Variants in RBFOX1 observed in about 807,000 individuals in gnomAD.
The protein encoded by RBFOX1 is RNA binding fox-1 homolog 1, also known as RNA binding protein fox-1 homolog 1.
A neutral mutation model predicts 57.7 loss-of-function variants in RBFOX1; 8 were observed. That is an observed-to-expected ratio of 0.14 (90% confidence interval 0.08 to 0.25). RBFOX1 has a LOEUF of 0.25. Among genes scored for constraint, RBFOX1 ranks in the 10% least tolerant of loss-of-function variants. The pLI is 1.00. For synonymous variants in RBFOX1, 326 were observed against 222.4 expected (o/e 1.47, Z -4.15); for missense variants, 611 against 548.5 (o/e 1.11, Z -1.14).
chr16:5,529,894 T>C (rs2044396362), intron 2 of RBFOX1, among the ~76,000 whole-genome samples: 1 of 152,070 alleles, frequency 6.6e-6, no homozygotes, highest in Non-Finnish European at 1.5e-5. Context: ...TGGGGATATT[T>C]AGACACAGGG....
At chr16:7,184,884 ACAC>A (rs1372868993) in intron 4 of RBFOX1, among the ~76,000 whole-genome samples, 1 of 152,194 alleles carries the variant, frequency 6.6e-6, no homozygotes, top group Non-Finnish European at 1.5e-5. Flanking sequence ...AATAATGTTT[ACAC>A]ATGGGTAATA....
chr16:6,493,368 A>C (rs544855300), intron 2 of RBFOX1, among the ~76,000 whole-genome samples: 38 of 152,226 alleles, frequency 2.5e-4, no homozygotes, highest in South Asian at 1.9e-3. Flanking sequence ...AGAAAATCAA[A>C]TTTCCCTGTT....
chr16:5,251,770 G>GC (rs1044144193), intron 1 of RBFOX1, among the ~76,000 whole-genome samples: 18 of 268 alleles, frequency 0.067, no homozygotes, highest in Admixed American at 0.2. Flanking sequence ...TTGTGTAGCT[G>GC]CAACATGTGT....
chr16:5,832,050 C>T (rs2056293069), intron 3 of RBFOX1, among the ~76,000 whole-genome samples: 1 of 152,150 alleles, frequency 6.6e-6, no homozygotes, highest in South Asian at 2.1e-4. Flanking sequence ...CAGTCAGCAT[C>T]AGACCATGAT....
rs1360798479 is a variant in RBFOX1 at position 6,898,125 on chromosome 16, C to T, written c.-15-153932C>T. Among the ~76,000 whole-genome samples, 3 of 152,184 alleles carry T rather than the reference C, an allele frequency of 2.0e-5. No individual in the cohort carries two copies. The East Asian group carries it at 5.8e-4, about 29-fold the overall frequency. On this transcript the variant is annotated intron_variant, in intron 3 of 15. Transcript: ENST00000550418. ...AGTAAATTCCACACCATATTCAGGA[C>T]CAATCTCTATTTTGCCAAATCATGC...
chr16:7,350,526 T>G, intron 4 of RBFOX1, among the ~76,000 whole-genome samples: 1 of 152,212 alleles, frequency 6.6e-6, no homozygotes, highest in East Asian at 1.9e-4. Context: ...CACTATGATC[T>G]GATTGTATCA....
At chr16:6,207,617 T>C (rs2097263587) in intron 1 of RBFOX1, among the ~76,000 whole-genome samples, 1 of 152,210 alleles carries the variant, frequency 6.6e-6, no homozygotes, top group Non-Finnish European at 1.5e-5. Context: ...TTTAATTATT[T>C]GCCTATTGAA....
chr16:6,601,272 T>A (rs960595218), intron 2 of RBFOX1, among the ~76,000 whole-genome samples: 19 of 152,144 alleles, frequency 1.2e-4, no homozygotes, highest in African/African-American at 3.4e-4. Context: ...AGGGCTATAA[T>A]TAGAAAGATA....
chr16:7,015,266 C>T (rs921896405), intron 3 of RBFOX1, among the ~76,000 whole-genome samples: 11 of 152,056 alleles, frequency 7.2e-5, no homozygotes, highest in African/African-American at 2.7e-4. Flanking sequence ...GAGCATATGG[C>T]CTGGGACTGC....
Position 6,959,326 on chromosome 16 carries a change from G to A in RBFOX1, c.-15-92731G>A, listed in dbSNP as rs571323996. Among the ~76,000 whole-genome samples the A allele has an allele frequency of 5.9e-5, 9 of 152,238 alleles. No individual in the cohort carries two copies. The East Asian group carries it at 1.7e-3, about 29-fold the overall frequency. On this transcript the variant is annotated intron_variant, in intron 3 of 15. Coordinates refer to ENST00000550418, the MANE Select transcript of RBFOX1 (RefSeq NM_018723.4). Reference sequence around the variant, plus strand: ...AACTTTTTCTGTTTTTAATCTCTCAGAAACTATTGTTTTCAATACATCTGA... The same window carrying A: ...AACTTTTTCTGTTTTTAATCTCTCAAAAACTATTGTTTTCAATACATCTGA...
intron 3 of RBFOX1, among the ~76,000 whole-genome samples, chr16:6,721,491 C>A (rs980549453): frequency 3.9e-5 from 6 of 152,150 alleles, no homozygotes; most frequent in African/African-American, 1.2e-4. Context: ...GTGTACAGTT[C>A]TGTAATGTTA....
chr16:6,613,419 G>A (rs997588609), intron 2 of RBFOX1, among the ~76,000 whole-genome samples: 12 of 152,010 alleles, frequency 7.9e-5, no homozygotes, highest in East Asian at 1.9e-4. Flanking sequence ...TTCTGTATAC[G>A]GTGTGGTGTT....
chr16:6,703,649 G>A (rs1188735663), intron 3 of RBFOX1, among the ~76,000 whole-genome samples: 1 of 152,130 alleles, frequency 6.6e-6, no homozygotes, highest in Non-Finnish European at 1.5e-5. Context: ...TGAGGCTGCA[G>A]TGAGCCATAG....
intron 3 of RBFOX1, among the ~76,000 whole-genome samples, chr16:6,760,598 G>A (rs1249226649): frequency 6.6e-6 from 1 of 152,150 alleles, no homozygotes; most frequent in African/African-American, 2.4e-5. Context: ...TTTTGCGTTG[G>A]TAGACTGACT....
intron 1 of RBFOX1, among the ~76,000 whole-genome samples, chr16:6,246,863 GT>G (rs1372663326): frequency 7.9e-5 from 12 of 152,172 alleles, no homozygotes; most frequent in Admixed American, 2.0e-4. Context: ...GAGGTCAGGA[GT>G]TTGAGACCAG....
intron 2 of RBFOX1, among the ~76,000 whole-genome samples, chr16:6,415,435 C>G (rs1053846588): frequency 6.6e-6 from 1 of 151,790 alleles, no homozygotes; most frequent in Non-Finnish European, 1.5e-5. Context: ...GTGGCTCACA[C>G]CTGTAATCAC....
At chr16:5,243,393 C>G (rs1048347750) in intron 1 of RBFOX1, among the ~76,000 whole-genome samples, 1 of 152,204 alleles carries the variant, frequency 6.6e-6, no homozygotes, top group African/African-American at 2.4e-5. Flanking sequence ...CCTGGGGCTC[C>G]TGTAGAGGAG....
chr16:7,217,223 G>A lies in RBFOX1; in HGVS notation c.27+165125G>A, dbSNP rs190530517. 1.6e-3 allele frequency among the ~76,000 whole-genome samples: 238 copies of A among 150,622 alleles called. 9 individuals carry two copies. The highest frequency in any genetic ancestry group is 0.014 in the Admixed American group (210 of 15,042). Reference sequence around the variant, plus strand: ...GGATTGAAGAGATTCTCCTCCCACAGCAGGAGTAGCTGGGACTACAGGTGC... The same window carrying A: ...GGATTGAAGAGATTCTCCTCCCACAACAGGAGTAGCTGGGACTACAGGTGC... On this transcript the variant is annotated intron_variant, in intron 4 of 15. Coordinates refer to ENST00000550418, the MANE Select transcript of RBFOX1 (RefSeq NM_018723.4).
intron 4 of RBFOX1, among the ~76,000 whole-genome samples, chr16:5,972,737 G>A (rs2059987684): frequency 6.6e-6 from 1 of 152,150 alleles, no homozygotes; most frequent in Admixed American, 6.5e-5. Flanking sequence ...TCTCCCCTGG[G>A]AGCTGCACGT....
Sources: allele counts gnomAD v4.1 joint callset (sites outside exome capture counted in the v4.1 genomes callset), GRCh38; gene constraint gnomAD v4.1.1; transcripts MANE v1.5; gene names NCBI Gene and HGNC (gene_info 2026-07-23, HGNC 2026-07-21).